GAS7: variants seen among roughly 807,000 people sequenced by gnomAD.
GAS7 encodes the protein growth arrest specific 7.
GAS7 carries 28 observed loss-of-function variants against 71.1 expected under a neutral mutation model. The observed-to-expected ratio is 0.39, with a 90% CI of 0.29 to 0.54. The LOEUF (loss-of-function observed/expected upper bound fraction) is 0.54, where lower values mean the gene tolerates loss of function less well. Ranked by LOEUF, GAS7 falls within the 20% of genes least tolerant of loss-of-function variation. GAS7 has a pLI of 0.62. For missense variants in GAS7, 436 were observed against 627.8 expected, an observed-to-expected ratio of 0.69 and a Z score of 3.27; for synonymous variants, 258 against 245.8, an observed-to-expected ratio of 1.05 and a Z score of -0.46.
intron 1 of GAS7, among the ~76,000 whole-genome samples, chr17:10,088,915 T>C (rs1206768075): frequency 6.6e-6 from 1 of 151,824 alleles, no homozygotes; most frequent in East Asian, 1.9e-4. Flanking sequence ...CCCAGCACTT[T>C]GAGAGGCTGA....
intron 8 of GAS7, among the ~76,000 whole-genome samples, chr17:9,935,593 G>C (rs755295810): frequency 1.3e-5 from 2 of 152,270 alleles, no homozygotes; most frequent in Non-Finnish European, 2.9e-5. Flanking sequence ...GTCTGGAGCA[G>C]AGCAGCCAGC....
chr17:9,980,125 A>G (rs768769031), intron 3 of GAS7, among the ~76,000 whole-genome samples: 45 of 152,162 alleles, frequency 3.0e-4, no homozygotes, highest in Non-Finnish European at 4.1e-4. Flanking sequence ...AATTTTTGAT[A>G]GAAAACACCC....
At position 10,148,916 on chromosome 17, in the gene GAS7, A is replaced by G; in HGVS notation, c.183+49292T>C. Reference sequence around the variant, plus strand: ...CAGAGAAAGACTCCGCCTCAAAAAAAAAAAAAAAAAGAATCCTCTCTTGAA... The same window carrying G: ...CAGAGAAAGACTCCGCCTCAAAAAAGAAAAAAAAAAGAATCCTCTCTTGAA... On this transcript the variant is annotated intron_variant, in intron 1 of 13. Coordinates refer to ENST00000432992, the MANE Select transcript of GAS7 (RefSeq NM_201433.2). Among the ~76,000 whole-genome samples, 2 of 122,718 alleles carry G rather than the reference A, an allele frequency of 1.6e-5. 1 individual carries two copies. The highest frequency in any genetic ancestry group is 3.8e-5 in the Non-Finnish European group (2 of 52,118). 80.5% of individuals were successfully genotyped at this position (122,718 alleles called of 152,430 possible).
At chr17:9,933,391 G>A (rs990058315) in intron 9 of GAS7, among the ~76,000 whole-genome samples, 6 of 152,298 alleles carry the variant, frequency 3.9e-5, no homozygotes, top group Admixed American at 3.3e-4. Flanking sequence ...CTCAGGGGCT[G>A]CCCTGAGAAA....
At chr17:10,106,742 A>C (rs1326199902) in intron 1 of GAS7, among the ~76,000 whole-genome samples, 4 of 150,762 alleles carry the variant, frequency 2.7e-5, no homozygotes, top group African/African-American at 9.8e-5. Flanking sequence ...GCTCTTCTTC[A>C]ATTATTAAAA....
intron 4 of GAS7, among the ~76,000 whole-genome samples, chr17:9,963,885 T>C (rs1405522538): frequency 6.6e-6 from 1 of 152,094 alleles, no homozygotes; most frequent in Non-Finnish European, 1.5e-5. Flanking sequence ...TCTGAAATAT[T>C]TGCATTTAAA....
At chr17:10,161,025 A>G (rs2074251784) in intron 1 of GAS7, among the ~76,000 whole-genome samples, 1 of 151,902 alleles carries the variant, frequency 6.6e-6, no homozygotes, top group Non-Finnish European at 1.5e-5. Flanking sequence ...TTGGAAGTTC[A>G]AGAGTGTCTG....
At chr17:10,099,618 C>T (rs2073679400) in intron 1 of GAS7, among the ~76,000 whole-genome samples, 1 of 152,012 alleles carries the variant, frequency 6.6e-6, no homozygotes, top group Admixed American at 6.5e-5. Context: ...GGAAAGAGAC[C>T]CATCCTGGGC....
At chr17:10,075,484 A>G (rs2073380479) in intron 1 of GAS7, among the ~76,000 whole-genome samples, 1 of 152,176 alleles carries the variant, frequency 6.6e-6, no homozygotes, top group Admixed American at 6.5e-5. Flanking sequence ...TGCACTGAAT[A>G]TATTATAACA....
In GAS7 at chr17:10,103,652, C is replaced by T. The variant is rs1407204458; in HGVS notation, c.184-83755G>A. ...ACCAGCCTGGCCAACATGGAGAAAC[C>T]CCGTCTCTACCAAAAATACAAAAAT... On this transcript the variant is annotated intron_variant, in intron 1 of 13. Transcript: ENST00000432992. This position sits in a 1 kb window ranked among gnomAD's most constrained non-coding sequence, Gnocchi z 5.5. 1.3e-5 allele frequency among the ~76,000 whole-genome samples: 2 copies of T among 151,978 alleles called. No homozygotes were observed. Among genetic ancestry groups the T allele is most frequent in the Non-Finnish European group, 2.9e-5 (2 of 68,004 alleles).
Position 10,150,591 on chromosome 17 carries a change from C to CTTTTTTTTTTT in GAS7, c.183+47606_183+47616dup, listed in dbSNP as rs3051271. The stretch of plus-strand genomic sequence containing the variant: ...ACTCAGTAATGAGGCTGTTACATTT[C>CTTTTTTTTTTT]TTTTTTTTTTTTTTTTAGACAGGGT... On this transcript the variant is annotated intron_variant, in intron 1 of 13. Coordinates refer to ENST00000432992, the MANE Select transcript of GAS7 (RefSeq NM_201433.2). 3.4e-4 allele frequency among the ~76,000 whole-genome samples: 40 copies of CTTTTTTTTTTT among 118,872 alleles called. 3 individuals are homozygous for CTTTTTTTTTTT. Among genetic ancestry groups the CTTTTTTTTTTT allele is most frequent in the African/African-American group, 5.8e-4 (17 of 29,158 alleles). The allele number at this position is 118,872 out of a possible 152,430, so 78.0% of individuals were successfully genotyped here. A position where few individuals can be genotyped will look rare whatever the true frequency, so the allele number is the denominator to read the frequency against.
Position 9,969,639 on chromosome 17 carries a change from G to T in GAS7, c.471+38C>A. The T allele has an allele frequency of 8.2e-7, 1 of 1,224,094 alleles. No homozygotes were observed. Among genetic ancestry groups the T allele is most frequent in the Non-Finnish European group, 1.2e-6 (1 of 824,404 alleles). The allele number at this position is 1,224,094 out of a possible 1,614,324, so 75.8% of individuals were successfully genotyped here. The stretch of plus-strand genomic sequence containing the variant: ...AATGCAGTTTCCTAGGCCTGCAGAA[G>T]CAGTGACCGCTATACCTCCCTCAAC... On this transcript the variant is annotated intron_variant, in intron 4 of 13. Coordinates refer to ENST00000432992, the MANE Select transcript of GAS7 (RefSeq NM_201433.2). This position sits in a 1 kb window ranked among gnomAD's most constrained non-coding sequence, Gnocchi z 5.5.
At chr17:9,975,085 T>C (rs1185543219) in intron 3 of GAS7, among the ~76,000 whole-genome samples, 2 of 152,220 alleles carry the variant, frequency 1.3e-5, no homozygotes, top group East Asian at 3.8e-4. Context: ...CTGGGAGCGG[T>C]GGCTCACGCC....
intron 1 of GAS7, among the ~76,000 whole-genome samples, chr17:10,068,548 G>C (rs185091357): frequency 6.6e-6 from 1 of 151,602 alleles, no homozygotes; most frequent in Non-Finnish European, 1.5e-5. Context: ...TTGAGGCCAG[G>C]AGTTCAAGAC....
intron 1 of GAS7, among the ~76,000 whole-genome samples, chr17:10,063,519 G>A (rs2048706844): frequency 6.6e-6 from 1 of 152,238 alleles, no homozygotes; most frequent in South Asian, 2.1e-4. Context: ...CTATGATTAT[G>A]CTTATTCCAG....
chr17:10,071,973 G>C (rs2073344808), intron 1 of GAS7, among the ~76,000 whole-genome samples: 1 of 150,812 alleles, frequency 6.6e-6, no homozygotes, highest in Admixed American at 6.6e-5. Flanking sequence ...AAAAAGAAAA[G>C]ATTCAGTTGT....
chr17:9,994,998 G>A (rs143313909), intron 2 of GAS7, among the ~76,000 whole-genome samples: 52 of 152,322 alleles, frequency 3.4e-4, no homozygotes, highest in African/African-American at 1.2e-3. Context: ...ACGTGGCAAC[G>A]GAAGAGTCCA....
intron 5 of GAS7, chr17:9,958,948 C>A: frequency 2.2e-6 from 3 of 1,384,676 alleles, no homozygotes; most frequent in South Asian, 1.6e-5. Flanking sequence ...CCTGAAAAAA[C>A]GGCTTCTGCA....
chr17:10,167,044 C>CTTTTTTT lies in GAS7; in HGVS notation c.183+31157_183+31163dup, dbSNP rs1164151104. Among the ~76,000 whole-genome samples the CTTTTTTT allele has an allele frequency of 7.1e-3, 420 of 58,784 alleles. 43 individuals carry two copies. Among genetic ancestry groups the CTTTTTTT allele is most frequent in the Admixed American group, 0.017 (71 of 4,204 alleles). 38.6% of individuals were successfully genotyped at this position (58,784 alleles called of 152,430 possible). A position where few individuals can be genotyped will look rare whatever the true frequency, so the allele number is the denominator to read the frequency against. ...AAACCAATCTACTATTTCCATTTGT[C>CTTTTTTT]TTTTTTTTTTTTTTTTTTTTTTTTT... is the stretch of plus-strand genomic sequence containing the variant. On this transcript the variant is annotated intron_variant, in intron 1 of 13. Coordinates refer to ENST00000432992, the MANE Select transcript of GAS7 (RefSeq NM_201433.2).
Sources: gnomAD v4.1 joint callset for allele counts (sites outside exome capture counted in the v4.1 genomes callset) on GRCh38, gnomAD v4.1.1 for gene constraint, Gnocchi (gnomAD v3.1) non-coding constraint, MANE v1.5 for transcripts, NCBI Gene and HGNC (gene_info 2026-07-23, HGNC 2026-07-21) for gene names.